The following TANGO6 variants were observed in gnomAD, a reference collection of about 807,000 sequenced individuals.
TANGO6 encodes the protein transport and Golgi organization protein 6 homolog.
Under a neutral mutation model 114.2 loss-of-function variants are expected in TANGO6, and 90 were observed. The observed-to-expected ratio is 0.79, with a 90% CI of 0.66 to 0.94. The LOEUF (loss-of-function observed/expected upper bound fraction) is 0.94. Ranked by LOEUF, TANGO6 falls within the 40% of genes least tolerant of loss-of-function variation. The probability of loss-of-function intolerance (pLI) is 0.00; values close to 1 mark genes in which losing one functional copy is unlikely to be tolerated. For synonymous variants in TANGO6, 477 were observed against 509.8 expected (o/e 0.94, Z 0.87); for missense variants, 1,274 against 1,315.3 (o/e 0.97, Z 0.49).
chr16:69,021,233 A>C (rs1959400333), intron 15 of TANGO6, among the ~76,000 whole-genome samples: 1 of 151,986 alleles, frequency 6.6e-6, no homozygotes, highest in Admixed American at 6.6e-5. Flanking sequence ...CTCTAGCCTC[A>C]TCTAGGGCTT....
chr16:69,075,853 G>A (rs1390646061), intron 17 of TANGO6, among the ~76,000 whole-genome samples: 5 of 142,212 alleles, frequency 3.5e-5, no homozygotes, highest in Non-Finnish European at 7.5e-5. Flanking sequence ...TGCAACCTCT[G>A]CCTCCCGGGT....
At chr16:68,982,279 A>G (rs1963843385) in intron 15 of TANGO6, among the ~76,000 whole-genome samples, 1 of 152,114 alleles carries the variant, frequency 6.6e-6, no homozygotes, top group South Asian at 2.1e-4. Context: ...CATGCCCTGG[A>G]GTTGTATAAT....
chr16:68,975,666 T>A (rs1326646560), intron 15 of TANGO6, among the ~76,000 whole-genome samples: 1 of 151,998 alleles, frequency 6.6e-6, no homozygotes, highest in Non-Finnish European at 1.5e-5. Context: ...CAAGTTATCC[T>A]CCCTCCTCAG....
intron 9 of TANGO6, among the ~76,000 whole-genome samples, chr16:68,906,572 CT>C (rs1272069627): frequency 1.5e-3 from 223 of 145,434 alleles, no homozygotes; most frequent in Middle Eastern, 3.6e-3. Flanking sequence ...CAACATCCAT[CT>C]TTTTTTTTTT....
chr16:68,850,021 T>C (rs1961876691), intron 1 of TANGO6, among the ~76,000 whole-genome samples: 1 of 148,884 alleles, frequency 6.7e-6, no homozygotes, highest in Non-Finnish European at 1.5e-5. Flanking sequence ...TTGTCCAGGC[T>C]GGAGTGCAGT....
intron 12 of TANGO6, among the ~76,000 whole-genome samples, chr16:68,919,870 C>T (rs1267839136): frequency 2.6e-5 from 4 of 151,664 alleles, no homozygotes; most frequent in African/African-American, 4.9e-5. Flanking sequence ...GGTGAAACCC[C>T]GTCTCTACTA....
chr16:69,082,102 T>C (rs1313287085), intron 17 of TANGO6, among the ~76,000 whole-genome samples: 1 of 151,984 alleles, frequency 6.6e-6, no homozygotes, highest in East Asian at 2.0e-4. Context: ...TCCTGCCTCA[T>C]CCTCCCAAGT....
At chr16:68,862,331 G>A (rs1265926100) in intron 2 of TANGO6, among the ~76,000 whole-genome samples, 1 of 152,154 alleles carries the variant, frequency 6.6e-6, no homozygotes, top group Non-Finnish European at 1.5e-5. Context: ...TTAGTAGCTG[G>A]GATTACAGGC....
At chr16:68,848,321 AT>A (rs1299438427) in intron 1 of TANGO6, among the ~76,000 whole-genome samples, 2 of 152,176 alleles carry the variant, frequency 1.3e-5, no homozygotes, top group South Asian at 2.1e-4. Context: ...TCTATAAAAA[AT>A]ATTATAGCAA....
rs34350425 is a variant in TANGO6 at position 69,020,904 on chromosome 16, A to ATGTGTGTGTGTGTGTGTG, written c.2843-1903_2843-1886dup. ...CCACCCCCCCTTTATATATGTATGT[A>ATGTGTGTGTGTGTGTGTG]TGTGTGTGTGTGTGTGTGTGTGTGT... On this transcript the variant is annotated intron_variant, in intron 15 of 17. Coordinates refer to ENST00000261778, the MANE Select transcript of TANGO6 (RefSeq NM_024562.2). Among the ~76,000 whole-genome samples the ATGTGTGTGTGTGTGTGTG allele has an allele frequency of 8.0e-4, 70 of 87,358 alleles. 1 individual carries two copies. The highest frequency in any genetic ancestry group is 9.7e-4 in the Non-Finnish European group (32 of 32,854). 57.3% of individuals were successfully genotyped at this position (87,358 alleles called of 152,430 possible). A position where few individuals can be genotyped will look rare whatever the true frequency, so the allele number is the denominator to read the frequency against.
At chr16:68,930,600 T>G (rs1963226736) in intron 14 of TANGO6, among the ~76,000 whole-genome samples, 1 of 152,016 alleles carries the variant, frequency 6.6e-6, no homozygotes, top group African/African-American at 2.4e-5. Context: ...CATGAACTCT[T>G]ATCACATTAA....
At chr16:68,913,130 T>C (rs1247890480) in intron 11 of TANGO6, among the ~76,000 whole-genome samples, 1 of 149,524 alleles carries the variant, frequency 6.7e-6, no homozygotes, top group Non-Finnish European at 1.5e-5. Context: ...AGTGGCGAGA[T>C]CATAGCTCAC....
intron 16 of TANGO6, among the ~76,000 whole-genome samples, chr16:69,025,304 A>T (rs933085711): frequency 5.3e-5 from 8 of 152,184 alleles, no homozygotes; most frequent in African/African-American, 1.9e-4. Context: ...GAGCAATGAA[A>T]CGGCTCTCAG....
chr16:69,075,440 A>G (rs1337279240), intron 17 of TANGO6, among the ~76,000 whole-genome samples: 1 of 150,644 alleles, frequency 6.6e-6, no homozygotes, highest in Non-Finnish European at 1.5e-5. Context: ...TCTACACAAC[A>G]CGAATTCAAC....
chr16:68,988,421 T>A lies in TANGO6; in HGVS notation c.2842+14253T>A, dbSNP rs75247974. On this transcript the variant is annotated intron_variant, in intron 15 of 17. Transcript: ENST00000261778. ...GGCTCCTCCCCCACTAACAGATCTC[T>A]CAAGTTTGGAGTCCCCCAGGGCTCT... 4.6e-3 allele frequency among the ~76,000 whole-genome samples: 703 copies of A among 152,342 alleles called. 4 individuals are homozygous for A. Among genetic ancestry groups the A allele is most frequent in the African/African-American group, 0.016 (670 of 41,582 alleles).
intron 17 of TANGO6, among the ~76,000 whole-genome samples, chr16:69,054,512 G>C (rs1960002555): frequency 2.0e-5 from 3 of 152,056 alleles, no homozygotes; most frequent in Admixed American, 2.0e-4. Context: ...ATCCAGACTG[G>C]GACACTTTTG....
At chr16:69,069,038 C>A (rs1462918352) in intron 17 of TANGO6, among the ~76,000 whole-genome samples, 1 of 152,134 alleles carries the variant, frequency 6.6e-6, no homozygotes. Flanking sequence ...TCTTTAGATA[C>A]ATTAATTCTT....
chr16:68,926,751 A>G (rs186144800), intron 12 of TANGO6: 2 of 151,986 alleles, frequency 1.3e-5, no homozygotes, highest in South Asian at 2.1e-4. Flanking sequence ...AAAAGGACTT[A>G]AGATCCTTAA....
chr16:69,008,291 T>C (rs1964113572), intron 15 of TANGO6, among the ~76,000 whole-genome samples: 2 of 152,232 alleles, frequency 1.3e-5, no homozygotes, highest in Non-Finnish European at 2.9e-5. Flanking sequence ...CAAAGGTTTT[T>C]AATTTTGATG....
Sources: gnomAD v4.1 joint callset for allele counts (sites outside exome capture counted in the v4.1 genomes callset) on GRCh38, gnomAD v4.1.1 for gene constraint, MANE v1.5 for transcripts, NCBI Gene and HGNC (gene_info 2026-07-23, HGNC 2026-07-21) for gene names.